Variants in PKHD1 observed in about 807,000 individuals in gnomAD.
PKHD1 encodes the protein PKHD1 ciliary IPT domain containing fibrocystin/polyductin.
In PKHD1, 291 loss-of-function variants were observed where a neutral mutation model predicts 412.0. The observed-to-expected ratio is 0.71, with a 90% CI of 0.64 to 0.78. PKHD1 has a LOEUF of 0.78. PKHD1 is among the 30% of genes least tolerant of loss of function. PKHD1 has a pLI of 0.00. For synonymous variants in PKHD1, 1,777 were observed against 1,821.5 expected, an observed-to-expected ratio of 0.98 and a Z score of 0.62; for missense variants, 4,825 against 4,950.7, an observed-to-expected ratio of 0.97 and a Z score of 0.76.
chr6:51,628,798 T>C (rs559868378), intron 65 of PKHD1, among the ~76,000 whole-genome samples: 1 of 152,262 alleles, frequency 6.6e-6, no homozygotes, highest in African/African-American at 2.4e-5. Flanking sequence ...TCTTATTGTA[T>C]ACTAGACTTC....
At chr6:51,965,414 G>A (rs1792663665) in intron 35 of PKHD1, among the ~76,000 whole-genome samples, 1 of 152,070 alleles carries the variant, frequency 6.6e-6, no homozygotes, top group Admixed American at 6.6e-5. Context: ...TAAAACAAAA[G>A]ATAGTGTAGA....
intron 64 of PKHD1, among the ~76,000 whole-genome samples, chr6:51,634,093 C>T (rs1768248681): frequency 6.6e-6 from 1 of 151,932 alleles, no homozygotes; most frequent in Admixed American, 6.6e-5. Flanking sequence ...TGAACAGTTA[C>T]AGCCAGCATT....
chr6:51,714,859 TTTACCAATCTG>T (rs1781069808), intron 60 of PKHD1, among the ~76,000 whole-genome samples: 1 of 152,130 alleles, frequency 6.6e-6, no homozygotes, highest in South Asian at 2.1e-4. Flanking sequence ...AAAAATCACA[TTTACCAATCTG>T]TTACATAGTA....
At chr6:51,658,517 A>C (rs1025695186) in intron 61 of PKHD1, among the ~76,000 whole-genome samples, 11 of 152,138 alleles carry the variant, frequency 7.2e-5, no homozygotes, top group African/African-American at 2.7e-4. Flanking sequence ...ACTACCCATT[A>C]AATACTAATA....
chr6:51,987,328 T>C (rs966495217), intron 35 of PKHD1, among the ~76,000 whole-genome samples: 12 of 152,192 alleles, frequency 7.9e-5, no homozygotes, highest in Non-Finnish European at 4.4e-5. Flanking sequence ...AGAATAATAA[T>C]GATAAACACT....
intron 35 of PKHD1, among the ~76,000 whole-genome samples, chr6:51,976,944 T>TAA (rs10671492): frequency 0.088 from 8,212 of 93,412 alleles, 482 homozygotes; most frequent in Middle Eastern, 0.16. Context: ...TGAGACTCCA[T>TAA]AAAAAAAAAA....
intron 36 of PKHD1, among the ~76,000 whole-genome samples, chr6:51,940,336 A>G (rs1417983667): frequency 6.6e-6 from 1 of 151,708 alleles, no homozygotes; most frequent in African/African-American, 2.4e-5. Flanking sequence ...CTGAGTTGCA[A>G]TTCCTTGCCT....
At chr6:51,949,284 G>C (rs1035526981) in intron 36 of PKHD1, among the ~76,000 whole-genome samples, 4 of 152,116 alleles carry the variant, frequency 2.6e-5, no homozygotes, top group Admixed American at 6.6e-5. Flanking sequence ...GGATAGTCGA[G>C]GAAGCCTGTG....
At chr6:52,052,660 A>G (rs1807043143) in intron 21 of PKHD1, among the ~76,000 whole-genome samples, 1 of 152,188 alleles carries the variant, frequency 6.6e-6, no homozygotes, top group Admixed American at 6.6e-5. Flanking sequence ...GATAACAATA[A>G]TAATAACAAT....
At chr6:51,627,456 A>G (rs1345008625) in intron 65 of PKHD1, among the ~76,000 whole-genome samples, 1 of 152,020 alleles carries the variant, frequency 6.6e-6, no homozygotes, top group Non-Finnish European at 1.5e-5. Context: ...TATATTCATT[A>G]CATGCTGGAA....
At chr6:51,749,024 G>A (rs1249592409) in intron 57 of PKHD1, among the ~76,000 whole-genome samples, 1 of 152,146 alleles carries the variant, frequency 6.6e-6, no homozygotes, top group Non-Finnish European at 1.5e-5. Context: ...CTGGGTTTCT[G>A]GCCCTTCACC....
intron 35 of PKHD1, among the ~76,000 whole-genome samples, chr6:51,981,310 G>GTCCCTCTCCCTCTCC: frequency 7.7e-5 from 1 of 12,930 alleles, no homozygotes; most frequent in Non-Finnish European, 2.9e-4. Context: ...CAAAGCTCAA[G>GTCCCTCTCCCTCTCC]CTCTCCCTCT....
rs1805751979 is a variant in PKHD1 at position 52,046,018 on chromosome 6, G to T, written c.2578C>A (p.Pro860Thr). Residue 860 changes from proline to threonine, a missense_variant, in exon 24 of 67, where the codon CCC becomes ACC. By Grantham distance (38) the Pro-to-Thr change is conservative (BLOSUM62 -1). Coordinates refer to ENST00000371117, the MANE Select transcript of PKHD1 (RefSeq NM_138694.4). Reference sequence around the variant, plus strand: ...ACTATACATACCCTGATAAAATTGGGCAAATCCCCAATCTGAGTGGACCAG... The same window carrying T: ...ACTATACATACCCTGATAAAATTGGTCAAATCCCCAATCTGAGTGGACCAG... ...LSWSTQIGDL[P>T]NFIRVSDENL... 1 of 1,612,886 alleles carries T rather than the reference G, an allele frequency of 6.2e-7. No homozygotes were observed. The highest frequency in any genetic ancestry group is 8.5e-7 in the Non-Finnish European group (1 of 1,179,180).
At position 51,742,947 on chromosome 6, in the gene PKHD1, C is replaced by T. The variant is rs547219483; in HGVS notation, c.10156+1438G>A. 2.6e-5 allele frequency among the ~76,000 whole-genome samples: 4 copies of T among 152,028 alleles called. No individual in the cohort carries two copies. The South Asian group carries it at 8.3e-4, about 32-fold the overall frequency. ...CCAAAGAAGTGAGAATAAAATATTC[C>T]AGGAAGAGGAAAAAGCCAGCACAAA... On this transcript the variant is annotated intron_variant, in intron 60 of 66. Transcript: ENST00000371117.
chr6:52,053,195 A>T lies in PKHD1; in HGVS notation c.2021T>A (p.Leu674His), dbSNP rs774279166. ...TGGGGAGTTTGCCGGAGGGGGCTGG[A>T]GATCCCCGAAGCAACGCACACAAGT... is the stretch of plus-strand genomic sequence containing the variant. Reference protein sequence around the residue: ...WETCVRCFGDLQPPPANSPVL... With the variant: ...WETCVRCFGDHQPPPANSPVL... The change falls in exon 21 of 67, where the codon CTC (leucine) becomes CAC (histidine). Residue 674 changes from leucine to histidine, a missense_variant. Transcript: ENST00000371117. The T allele has an allele frequency of 1.1e-5, 18 of 1,614,092 alleles. No homozygotes were observed. In the South Asian group the frequency reaches 2.0e-4, roughly 18 times the overall value.
intron 39 of PKHD1, among the ~76,000 whole-genome samples, chr6:51,911,193 T>C (rs1211717213): frequency 6.6e-6 from 1 of 152,130 alleles, no homozygotes; most frequent in Admixed American, 6.6e-5. Flanking sequence ...CTTCACAACA[T>C]GTGAAAGCCT....
intron 58 of PKHD1, 109 bp downstream of exon 58, chr6:51,747,678 G>C (rs552348046): frequency 2.6e-5 from 24 of 931,684 alleles, no homozygotes; most frequent in Admixed American, 9.0e-5. Flanking sequence ...TGGACAGCAA[G>C]CACTAGACCA....
chr6:51,751,492 G>A (rs1265782211), intron 57 of PKHD1, among the ~76,000 whole-genome samples: 1 of 152,154 alleles, frequency 6.6e-6, no homozygotes, highest in Non-Finnish European at 1.5e-5. Flanking sequence ...TATTATATCA[G>A]CTATTAATGG....
intron 52 of PKHD1, among the ~76,000 whole-genome samples, chr6:51,800,840 T>C (rs1562339776): frequency 6.6e-6 from 1 of 152,180 alleles, no homozygotes; most frequent in Non-Finnish European, 1.5e-5. Context: ...TGTACTGACT[T>C]TGGACACAGC....
Sources: allele counts gnomAD v4.1 joint callset (sites outside exome capture counted in the v4.1 genomes callset), GRCh38; gene constraint gnomAD v4.1.1; transcripts MANE v1.5; gene names NCBI Gene and HGNC (gene_info 2026-07-23, HGNC 2026-07-21).